Variants in MAGEC3 observed in about 807,000 individuals in gnomAD.
MAGEC3 encodes melanoma-associated antigen C3.
In MAGEC3, 34 loss-of-function variants were observed where a neutral mutation model predicts 35.3. That is an observed-to-expected ratio of 0.96 (90% CI 0.73 to 1.28). The LOEUF (loss-of-function observed/expected upper bound fraction) is 1.28. Among genes scored for constraint, MAGEC3 ranks in the 50% most tolerant of loss-of-function variants. The probability of loss-of-function intolerance (pLI) is 0.00; values close to 1 mark genes in which losing one functional copy is unlikely to be tolerated. For missense variants in MAGEC3, 561 were observed against 483.6 expected (o/e 1.16, Z -1.50); for synonymous variants, 202 against 185.6 (o/e 1.09, Z -0.72).
At chrX:141,846,153 A>G (rs2017714924) in intron 1 of MAGEC3, among the ~76,000 whole-genome samples, 1 of 107,683 alleles carries the variant, frequency 9.3e-6, no homozygotes. Flanking sequence ...TGCACTGCTT[A>G]CTCAACAGCC....
At chrX:141,874,250 A>T (rs1365466687) in intron 2 of MAGEC3, among the ~76,000 whole-genome samples, 4 of 112,235 alleles carry the variant, frequency 3.6e-5, no homozygotes, top group Admixed American at 2.8e-4. Flanking sequence ...ATAAAATTTT[A>T]AAAAACCTAT....
chrX:141,847,283 A>C (rs1455959456), intron 1 of MAGEC3, among the ~76,000 whole-genome samples: 1 of 110,745 alleles, frequency 9.0e-6, no homozygotes, highest in African/African-American at 3.3e-5. Context: ...TTCACATCAT[A>C]ATTTCATTAC....
intron 1 of MAGEC3, among the ~76,000 whole-genome samples, chrX:141,858,461 T>A (rs1046814494): frequency 9.0e-6 from 1 of 111,676 alleles, no homozygotes; most frequent in Non-Finnish European, 1.9e-5. Context: ...TCTCATATAA[T>A]CAACAATCTC....
intron 1 of MAGEC3, among the ~76,000 whole-genome samples, chrX:141,843,700 C>T (rs149106129): frequency 1.8e-3 from 197 of 110,793 alleles, no homozygotes; most frequent in African/African-American, 6.1e-3. Context: ...ATAATCCCTA[C>T]CCAGATAATC....
chrX:141,888,486 G>T (rs963232881), intron 4 of MAGEC3, among the ~76,000 whole-genome samples: 1 of 112,496 alleles, frequency 8.9e-6, no homozygotes, highest in African/African-American at 3.2e-5. Flanking sequence ...AAGAAATTTG[G>T]TGAAAAGGTA....
intron 1 of MAGEC3, chrX:141,839,264 A>G (rs972510018): frequency 7.4e-5 from 20 of 269,639 alleles, no homozygotes; most frequent in Non-Finnish European, 9.6e-5. Context: ...TGAATTATAT[A>G]TTCAAAGTGT....
Position 141,896,866 on chromosome X carries a change from A to T in MAGEC3, c.1124-16A>T. On this transcript the variant is annotated splice_polypyrimidine_tract_variant and intron_variant, in intron 6 of 7. Transcript: ENST00000298296. ...GTCCTCACCCTTACCCTCTACTCTC[A>T]TTCTGGGTGTTCCAGAAGATGAGGA... 8.4e-7 allele frequency: 1 copy of T among 1,192,867 alleles called. No individual in the cohort carries two copies. The highest frequency in any genetic ancestry group is 1.8e-5 in the African/African-American group (1 of 56,961).
chrX:141,849,819 A>G (rs745982251), intron 1 of MAGEC3, among the ~76,000 whole-genome samples: 2 of 111,511 alleles, frequency 1.8e-5, no homozygotes, highest in South Asian at 7.5e-4. Flanking sequence ...GCCACGGTGG[A>G]AAGGAGTTGG....
intron 1 of MAGEC3, among the ~76,000 whole-genome samples, chrX:141,844,124 G>A (rs1443974716): frequency 9.0e-6 from 1 of 110,947 alleles, no homozygotes; most frequent in Non-Finnish European, 1.9e-5. Context: ...CAATCCTGTG[G>A]ATATGTGCAA....
chrX:141,893,523 C>T (rs1437234697), intron 4 of MAGEC3, among the ~76,000 whole-genome samples: 2 of 110,317 alleles, frequency 1.8e-5, no homozygotes, highest in African/African-American at 3.3e-5. Flanking sequence ...ACAGCATCCC[C>T]AACGTTGAGT....
intron 1 of MAGEC3, among the ~76,000 whole-genome samples, chrX:141,841,468 A>G (rs944737926): frequency 8.9e-6 from 1 of 111,889 alleles, no homozygotes. Context: ...CATGACACAG[A>G]GTTTACCTAT....
At chrX:141,888,656 C>T (rs1264855626) in intron 4 of MAGEC3, among the ~76,000 whole-genome samples, 2 of 111,901 alleles carry the variant, frequency 1.8e-5, no homozygotes, top group Non-Finnish European at 1.9e-5. Flanking sequence ...CCAGCCATCC[C>T]TGTCATCTTC....
intron 2 of MAGEC3, among the ~76,000 whole-genome samples, 194 bp from the exon 3 acceptor site, chrX:141,878,981 G>T (rs1018934864): frequency 8.9e-6 from 1 of 112,374 alleles, no homozygotes; most frequent in Non-Finnish European, 1.9e-5. Context: ...ACTGTGGGTG[G>T]ATGTGATTCT....
rs942156789 is a variant in MAGEC3, at chrX:141,852,011, T to C, written c.124-13460T>C. Among the ~76,000 whole-genome samples, 5 of 110,486 alleles carry C rather than the reference T, an allele frequency of 4.5e-5. 1 individual carries two copies. Among genetic ancestry groups the C allele is most frequent in the Middle Eastern group, 9.3e-3 (2 of 215 alleles). The stretch of plus-strand genomic sequence containing the variant: ...GAATTTTGGTAGGGCTTGCATTGTT[T>C]CTACAGATCAATGTGAGCAGTATTG... On this transcript the variant is annotated intron_variant, in intron 1 of 7. Transcript: ENST00000298296.
intron 4 of MAGEC3, among the ~76,000 whole-genome samples, chrX:141,884,327 T>C (rs2017986931): frequency 8.9e-6 from 1 of 111,956 alleles, no homozygotes; most frequent in Non-Finnish European, 1.9e-5. Context: ...TTTTTTCCTG[T>C]GCTGGATGCT....
Position 141,876,366 on chromosome X carries a change from G to A in MAGEC3, c.259-2809G>A, listed in dbSNP as rs1182614421. ...AGTTGTCCCAGGTAGCCTTCCCCCAGCCACTATTGAGATTTCAAGTCCTGC... is the reference window on the plus strand; with the variant it reads ...AGTTGTCCCAGGTAGCCTTCCCCCAACCACTATTGAGATTTCAAGTCCTGC... On this transcript the variant is annotated intron_variant, in intron 2 of 7. Coordinates refer to ENST00000298296, the MANE Select transcript of MAGEC3 (RefSeq NM_138702.1). 3.6e-5 allele frequency among the ~76,000 whole-genome samples: 4 copies of A among 111,783 alleles called. No homozygotes were observed. The East Asian group carries it at 1.1e-3, about 32-fold the overall frequency.
At chrX:141,894,087 A>G (rs1040461258) in intron 4 of MAGEC3, among the ~76,000 whole-genome samples, 8 of 111,789 alleles carry the variant, frequency 7.2e-5, no homozygotes, top group Non-Finnish European at 1.5e-4. Context: ...CTCATATGAC[A>G]AATTGTGAAA....
At chrX:141,853,843 T>G (rs768337586) in intron 1 of MAGEC3, among the ~76,000 whole-genome samples, 7 of 111,482 alleles carry the variant, frequency 6.3e-5, no homozygotes, top group Non-Finnish European at 1.3e-4. Context: ...CAGAAGTTAA[T>G]GATTCTTTTT....
intron 2 of MAGEC3, among the ~76,000 whole-genome samples, chrX:141,876,183 C>T (rs2017919073): frequency 8.9e-6 from 1 of 112,102 alleles, no homozygotes; most frequent in African/African-American, 3.2e-5. Context: ...CCTCTTAAGT[C>T]AGTAAAGTAT....
Sources: allele counts gnomAD v4.1 joint callset (sites outside exome capture counted in the v4.1 genomes callset), GRCh38; gene constraint gnomAD v4.1.1; transcripts MANE v1.5; gene names NCBI Gene and HGNC (gene_info 2026-07-23, HGNC 2026-07-21).